SMG7: variants seen among roughly 807,000 people sequenced by gnomAD.
The protein encoded by SMG7 is nonsense-mediated mRNA decay factor SMG7.
Under a neutral mutation model 148.2 loss-of-function variants are expected in SMG7, and 34 were observed. The ratio of observed to expected loss-of-function variants is 0.23; its 90% CI spans 0.17 to 0.31. SMG7 has a LOEUF of 0.31. Among genes scored for constraint, SMG7 ranks in the 10% least tolerant of loss-of-function variants. SMG7 has a pLI of 1.00. For missense variants in SMG7, 1,114 were observed against 1,408.4 expected (o/e 0.79, Z 3.35); for synonymous variants, 492 against 515.1 (o/e 0.96, Z 0.61).
At position 183,551,187 on chromosome 1, in the gene SMG7, A is replaced by T. The variant is rs769301460; in HGVS notation, c.3447A>T (p.Leu1149=). 1 of 1,565,628 alleles carries T rather than the reference A, an allele frequency of 6.4e-7. No individual in the cohort carries two copies. The highest frequency in any genetic ancestry group is 1.4e-5 in the African/African-American group (1 of 72,012). The change falls in exon 22 of 23, where the codon CTA becomes CTT. Residue 1149 remains leucine, a synonymous_variant. Transcript: ENST00000688051. ...EDSSAVLMES[L]KSIWSSSMMH... is the part of the protein sequence containing the mutation. ...CCTCTGCTGTCCTCATGGAAAGCCTAAAGGTGAGTAGATTTCAGGAACAAG... is the reference window on the plus strand; with the variant it reads ...CCTCTGCTGTCCTCATGGAAAGCCTTAAGGTGAGTAGATTTCAGGAACAAG...
intron 18 of SMG7, 48 bp downstream of exon 18, chr1:183,547,300 T>TAG: frequency 6.7e-7 from 1 of 1,500,688 alleles, no homozygotes; most frequent in Non-Finnish European, 9.0e-7. Flanking sequence ...CCCAGCTGCT[T>TAG]CTCTGAGATA....
chr1:183,513,799 G>A (rs990931885), intron 2 of SMG7, among the ~76,000 whole-genome samples: 3 of 152,040 alleles, frequency 2.0e-5, no homozygotes, highest in African/African-American at 7.2e-5. Flanking sequence ...GGAAGCCCAG[G>A]TGAGTGGATC....
intron 1 of SMG7, among the ~76,000 whole-genome samples, chr1:183,511,740 A>G (rs1368139606): frequency 1.3e-5 from 2 of 152,240 alleles, no homozygotes; most frequent in Non-Finnish European, 2.9e-5. Flanking sequence ...ACAGAATGAA[A>G]TGGGGCAAGA....
At chr1:183,513,042 A>G (rs1571921337) in intron 2 of SMG7, 174 bp downstream of exon 2, 1 of 574,400 alleles carries the variant, frequency 1.7e-6, no homozygotes, top group African/African-American at 1.9e-5. Flanking sequence ...ATTCTTGCTT[A>G]AATAACTGTT....
chr1:183,491,636 A>C (rs1657054015), intron 1 of SMG7, among the ~76,000 whole-genome samples: 1 of 152,184 alleles, frequency 6.6e-6, no homozygotes, highest in Non-Finnish European at 1.5e-5. Context: ...GTTTTAAATA[A>C]ATACTGATGA....
At chr1:183,544,259 T>C in intron 14 of SMG7, 94 bp from the exon 15 acceptor site, 2 of 917,556 alleles carry the variant, frequency 2.2e-6, no homozygotes, top group East Asian at 2.4e-5. Flanking sequence ...TTTGATCTAA[T>C]GAGGTTTTAA....
intron 2 of SMG7, among the ~76,000 whole-genome samples, chr1:183,515,534 ACTGTAAGGCATATAGTTTC>A (rs1421794167): frequency 6.6e-6 from 1 of 152,162 alleles, no homozygotes; most frequent in Non-Finnish European, 1.5e-5. Context: ...GGGTTGGCTT[ACTGTAAGGCATATAGTTTC>A]CTGTTATATG....
At chr1:183,493,270 C>T (rs999960465) in intron 1 of SMG7, among the ~76,000 whole-genome samples, 3 of 152,174 alleles carry the variant, frequency 2.0e-5, no homozygotes, top group African/African-American at 4.8e-5. Flanking sequence ...CCACTACACC[C>T]GGCAACCTAT....
chr1:183,536,102 T>G (rs572106760), intron 10 of SMG7, among the ~76,000 whole-genome samples: 72 of 152,242 alleles, frequency 4.7e-4, no homozygotes, highest in African/African-American at 1.7e-3. Flanking sequence ...GCACTTCACC[T>G]CATGCTTTTC....
chr1:183,519,384 A>C (rs1297930381), intron 4 of SMG7, among the ~76,000 whole-genome samples: 1 of 151,872 alleles, frequency 6.6e-6, no homozygotes, highest in African/African-American at 2.4e-5. Context: ...TTTTTGGGGA[A>C]TGCTTCTCGA....
chr1:183,544,878 G>T, intron 15 of SMG7, 52 bp from the exon 16 acceptor site: 2 of 1,558,868 alleles, frequency 1.3e-6, no homozygotes, highest in Admixed American at 2.0e-5. Flanking sequence ...GACTTTTTTT[G>T]CAATTTTTTG....
At chr1:183,491,810 G>T (rs1657099809) in intron 1 of SMG7, among the ~76,000 whole-genome samples, 1 of 152,224 alleles carries the variant, frequency 6.6e-6, no homozygotes, top group Admixed American at 6.5e-5. Flanking sequence ...AGGCTGGGAA[G>T]TCCAGTATTA....
intron 14 of SMG7, 63 bp downstream of exon 14, chr1:183,542,565 A>G (rs1447970423): frequency 1.1e-5 from 15 of 1,410,894 alleles, no homozygotes; most frequent in Admixed American, 2.1e-5. Context: ...AAGATTTTTC[A>G]TTTTGTTCTA....
rs941603729 is a variant in SMG7, at chr1:183,550,076, A to G, written c.3133+153A>G. 1.0e-5 allele frequency: 6 copies of G among 600,980 alleles called. No individual in the cohort carries two copies. In the Admixed American group the frequency reaches 2.1e-4, roughly 21 times the overall value. The allele number at this position is 600,980 out of a possible 1,614,324, so 37.2% of individuals were successfully genotyped here. ...TTTGTAACTTCTGAAAGGAAATAGAAAAAAAAAAAGAAGAAGCCGGTTTAT... is the reference window on the plus strand; with the variant it reads ...TTTGTAACTTCTGAAAGGAAATAGAGAAAAAAAAAGAAGAAGCCGGTTTAT... On this transcript the variant is annotated intron_variant, in intron 20 of 22. Transcript: ENST00000688051.
At chr1:183,550,171 G>A in intron 20 of SMG7, 1 of 400,792 alleles carries the variant, frequency 2.5e-6, no homozygotes, top group South Asian at 4.4e-5. Flanking sequence ...AGAAAATAGA[G>A]GTTCTATCTT....
At chr1:183,486,682 T>G (rs1655510708) in intron 1 of SMG7, among the ~76,000 whole-genome samples, 1 of 152,166 alleles carries the variant, frequency 6.6e-6, no homozygotes, top group African/African-American at 2.4e-5. Context: ...GTGCTGTGAT[T>G]ACAGGCGTGA....
chr1:183,487,000 A>G (rs1158386394), intron 1 of SMG7, among the ~76,000 whole-genome samples: 4 of 152,234 alleles, frequency 2.6e-5, no homozygotes, highest in African/African-American at 9.6e-5. Context: ...TTTTAGTTGC[A>G]AGGAACAGAA....
chr1:183,502,776 A>G (rs1474667684), intron 1 of SMG7, among the ~76,000 whole-genome samples: 1 of 152,230 alleles, frequency 6.6e-6, no homozygotes, highest in Non-Finnish European at 1.5e-5. Flanking sequence ...ATGTGAGTGC[A>G]GGTAACATCA....
Position 183,552,540 on chromosome 1 carries a change from C to G in SMG7, c.*609C>G. The G allele has an allele frequency of 1.0e-6, 1 of 1,002,518 alleles. No homozygotes were observed. The highest frequency in any genetic ancestry group is 1.2e-6 in the Non-Finnish European group (1 of 839,642). 62.1% of individuals were successfully genotyped at this position (1,002,518 alleles called of 1,614,324 possible). Reference sequence around the variant, plus strand: ...AGGATGGGGAACCGACCTCTTCAGCCAGTGGAAATGTTCCATAAGGGAGAG... The same window carrying G: ...AGGATGGGGAACCGACCTCTTCAGCGAGTGGAAATGTTCCATAAGGGAGAG... On this transcript the variant is annotated 3_prime_UTR_variant, in exon 23 of 23. Coordinates refer to ENST00000688051, the MANE Select transcript of SMG7 (RefSeq NM_001375584.1).
Sources: gnomAD v4.1 joint callset for allele counts (sites outside exome capture counted in the v4.1 genomes callset) on GRCh38, gnomAD v4.1.1 for gene constraint, MANE v1.5 for transcripts, NCBI Gene and HGNC (gene_info 2026-07-23, HGNC 2026-07-21) for gene names.